SGCZ: variants seen among roughly 807,000 people sequenced by gnomAD.
The protein encoded by SGCZ is zeta-sarcoglycan.
In SGCZ, 40 loss-of-function variants were observed where a neutral mutation model predicts 41.3. That is an observed-to-expected ratio of 0.97 (90% CI 0.75 to 1.26). The LOEUF is 1.26. Ranked by LOEUF, SGCZ falls within the 50% of genes most tolerant of loss-of-function variation. SGCZ has a pLI of 0.00. For missense variants in SGCZ, 552 were observed against 369.8 expected (o/e 1.49, Z -4.04); for synonymous variants, 206 against 137.5 (o/e 1.50, Z -3.49).
At chr8:14,618,920 T>C (rs1186039888) in intron 1 of SGCZ, among the ~76,000 whole-genome samples, 3 of 152,082 alleles carry the variant, frequency 2.0e-5, no homozygotes, top group East Asian at 1.9e-4. Context: ...GGAAAAGCAG[T>C]TGAGCTGCAG....
At chr8:14,125,755 G>T (rs1235033727) in intron 5 of SGCZ, among the ~76,000 whole-genome samples, 2 of 152,094 alleles carry the variant, frequency 1.3e-5, no homozygotes, top group Non-Finnish European at 2.9e-5. Flanking sequence ...AAAATCACAT[G>T]GTACTGGTAC....
At chr8:14,670,586 A>G (rs1364599564) in intron 1 of SGCZ, among the ~76,000 whole-genome samples, 1 of 152,224 alleles carries the variant, frequency 6.6e-6, no homozygotes, top group African/African-American at 2.4e-5. Context: ...GATCTAATCT[A>G]CAAAATGTTC....
intron 1 of SGCZ, among the ~76,000 whole-genome samples, chr8:14,936,748 T>A (rs1316481446): frequency 6.6e-6 from 1 of 151,860 alleles, no homozygotes; most frequent in Admixed American, 6.6e-5. Context: ...AGTGGTTAAA[T>A]ACAAACAATG....
intron 3 of SGCZ, among the ~76,000 whole-genome samples, chr8:14,250,386 T>A (rs564798716): frequency 6.6e-6 from 1 of 152,336 alleles, no homozygotes; most frequent in African/African-American, 2.4e-5. Flanking sequence ...GTCGAAATTT[T>A]TTTTTAAAGC....
chr8:14,353,951 T>G (rs972191582), intron 2 of SGCZ, among the ~76,000 whole-genome samples: 1 of 152,092 alleles, frequency 6.6e-6, no homozygotes, highest in Non-Finnish European at 1.5e-5. Context: ...TTTGGAGAAG[T>G]CTAGCTTATT....
intron 1 of SGCZ, among the ~76,000 whole-genome samples, chr8:14,746,036 A>C (rs950838301): frequency 6.6e-6 from 1 of 152,090 alleles, no homozygotes; most frequent in Non-Finnish European, 1.5e-5. Flanking sequence ...AATAAATTAT[A>C]CAGTAAAAGA....
chr8:14,960,380 A>G (rs1255078522), intron 1 of SGCZ, among the ~76,000 whole-genome samples: 1 of 152,048 alleles, frequency 6.6e-6, no homozygotes, highest in Non-Finnish European at 1.5e-5. Context: ...GGGTTTGGGA[A>G]TTGTACCAAA....
chr8:15,174,776 G>A (rs1330541277), intron 1 of SGCZ, among the ~76,000 whole-genome samples: 4 of 152,270 alleles, frequency 2.6e-5, no homozygotes, highest in African/African-American at 7.2e-5. Flanking sequence ...CAATCTCCAT[G>A]TGCATTTCCT....
At chr8:14,594,897 T>A (rs1419222004) in intron 1 of SGCZ, among the ~76,000 whole-genome samples, 1 of 151,924 alleles carries the variant, frequency 6.6e-6, no homozygotes, top group African/African-American at 2.4e-5. Flanking sequence ...ACAGAGACAC[T>A]GTTATATTGC....
intron 2 of SGCZ, among the ~76,000 whole-genome samples, chr8:14,450,780 T>C (rs772054053): frequency 5.3e-5 from 8 of 152,116 alleles, no homozygotes; most frequent in Non-Finnish European, 1.0e-4. Flanking sequence ...GCAAAATCAT[T>C]TGGAGGAGAG....
At chr8:14,699,515 T>C (rs1050292575) in intron 1 of SGCZ, among the ~76,000 whole-genome samples, 2 of 151,802 alleles carry the variant, frequency 1.3e-5, no homozygotes, top group African/African-American at 4.8e-5. Context: ...ATAAAAACTA[T>C]AGAAGAAATT....
chr8:14,575,100 T>C (rs1804667447), intron 1 of SGCZ, among the ~76,000 whole-genome samples: 1 of 152,226 alleles, frequency 6.6e-6, no homozygotes, highest in African/African-American at 2.4e-5. Context: ...AACTGATTTT[T>C]TGCTTCAAAA....
At chr8:14,472,677 G>T (rs2116982349) in intron 2 of SGCZ, among the ~76,000 whole-genome samples, 1 of 152,154 alleles carries the variant, frequency 6.6e-6, no homozygotes, top group East Asian at 1.9e-4. Flanking sequence ...AACATGTATT[G>T]CCCTATTTAA....
At chr8:14,538,090 T>C (rs1046058709) in intron 2 of SGCZ, among the ~76,000 whole-genome samples, 2 of 151,954 alleles carry the variant, frequency 1.3e-5, no homozygotes, top group African/African-American at 4.8e-5. Flanking sequence ...TTTTAAAGTA[T>C]ATGTATAGAT....
At chr8:14,984,546 G>A (rs1391589868) in intron 1 of SGCZ, among the ~76,000 whole-genome samples, 1 of 151,688 alleles carries the variant, frequency 6.6e-6, no homozygotes, top group East Asian at 1.9e-4. Context: ...TATAAAGCGT[G>A]CTATAGTCTG....
intron 1 of SGCZ, among the ~76,000 whole-genome samples, chr8:14,601,152 G>A (rs1323526620): frequency 6.6e-6 from 1 of 151,118 alleles, no homozygotes; most frequent in Non-Finnish European, 1.5e-5. Flanking sequence ...ATATTATTTG[G>A]TAGGTTCAAT....
At chr8:15,234,948 C>A (rs1444538900) in intron 1 of SGCZ, among the ~76,000 whole-genome samples, 1 of 152,014 alleles carries the variant, frequency 6.6e-6, no homozygotes, top group Non-Finnish European at 1.5e-5. Context: ...GTATCAAACC[C>A]CAGTAAACAT....
chr8:14,192,489 C>A (rs538128397), intron 4 of SGCZ, among the ~76,000 whole-genome samples: 64 of 151,888 alleles, frequency 4.2e-4, no homozygotes, highest in African/African-American at 1.4e-3. Flanking sequence ...TTTGTTATCT[C>A]CCAGAATTAT....
At chr8:15,063,233 A>T (rs562028225) in intron 1 of SGCZ, among the ~76,000 whole-genome samples, 2 of 152,282 alleles carry the variant, frequency 1.3e-5, no homozygotes, top group East Asian at 3.9e-4. Flanking sequence ...TGACTATAGT[A>T]TATTAACAAT....
Sources: allele counts gnomAD v4.1 joint callset (sites outside exome capture counted in the v4.1 genomes callset), GRCh38; gene constraint gnomAD v4.1.1; transcripts MANE v1.5; gene names NCBI Gene and HGNC (gene_info 2026-07-23, HGNC 2026-07-21).